Variants in SH3RF1 observed in about 807,000 individuals in gnomAD.
The protein encoded by SH3RF1 is SH3 domain containing ring finger 1, also known as E3 ubiquitin-protein ligase SH3RF1.
A neutral mutation model predicts 74.0 loss-of-function variants in SH3RF1; 32 were observed. That is an observed-to-expected ratio of 0.43 (90% CI 0.33 to 0.58). SH3RF1 has a LOEUF of 0.58. Ranked by LOEUF, SH3RF1 falls within the 20% of genes least tolerant of loss-of-function variation. SH3RF1 has a pLI of 0.05. For missense variants in SH3RF1, 954 were observed against 1,130.9 expected, an observed-to-expected ratio of 0.84 and a Z score of 2.24; for synonymous variants, 396 against 439.6, an observed-to-expected ratio of 0.90 and a Z score of 1.24.
chr4:169,165,568 A>G (rs1358602733), intron 2 of SH3RF1, among the ~76,000 whole-genome samples: 3 of 150,462 alleles, frequency 2.0e-5, no homozygotes, highest in Non-Finnish European at 4.4e-5. Context: ...ACGTGCCTGT[A>G]GTCCAATATT....
chr4:169,179,869 A>G (rs540907794), intron 2 of SH3RF1, among the ~76,000 whole-genome samples: 2 of 152,266 alleles, frequency 1.3e-5, no homozygotes, highest in Admixed American at 6.5e-5. Context: ...TTTTTTTCCT[A>G]AGACATATTC....
At position 169,095,793 on chromosome 4, in the gene SH3RF1, T is replaced by C. The variant is rs1350075425; in HGVS notation, c.*726A>G. ...TCTCATTGTTTCAGTCACTTCATTC[T>C]AGGAAAATTAAAAACCCACACAATT... On this transcript the variant is annotated 3_prime_UTR_variant, in exon 12 of 12. Coordinates refer to ENST00000284637, the MANE Select transcript of SH3RF1 (RefSeq NM_020870.4). The C allele has an allele frequency of 6.6e-6, 1 of 152,334 alleles. No individual in the cohort carries two copies. The highest frequency in any genetic ancestry group is 1.5e-5 in the Non-Finnish European group (1 of 68,034). 9.4% of individuals were successfully genotyped at this position (152,334 alleles called of 1,614,324 possible).
At chr4:169,248,984 T>C (rs1215076749) in intron 2 of SH3RF1, among the ~76,000 whole-genome samples, 3 of 152,166 alleles carry the variant, frequency 2.0e-5, no homozygotes, top group African/African-American at 2.4e-5. Flanking sequence ...TCCCAGCACT[T>C]TGGGAGGCCG....
intron 2 of SH3RF1, among the ~76,000 whole-genome samples, chr4:169,192,915 T>G (rs1263214434): frequency 3.6e-5 from 4 of 111,014 alleles, no homozygotes; most frequent in Non-Finnish European, 6.2e-5. Flanking sequence ...ATATCATATA[T>G]ATGTGATATA....
rs1335122200 is a variant in SH3RF1 at position 169,105,548 on chromosome 4, A to G, written c.2498+1299T>C. Among the ~76,000 whole-genome samples, 3 of 152,210 alleles carry G rather than the reference A, an allele frequency of 2.0e-5. No homozygotes were observed. In the East Asian group the frequency reaches 5.8e-4, roughly 29 times the overall value. On this transcript the variant is annotated intron_variant, in intron 11 of 11. Coordinates refer to ENST00000284637, the MANE Select transcript of SH3RF1 (RefSeq NM_020870.4). The stretch of plus-strand genomic sequence containing the variant: ...AATCAAGTCACTTGGTCAGGAGGAG[A>G]GTCAGAACTGAGACTGAGAACTTAG...
At chr4:169,112,976 TAAC>T (rs1355602705) in intron 10 of SH3RF1, among the ~76,000 whole-genome samples, 1 of 152,164 alleles carries the variant, frequency 6.6e-6, no homozygotes, top group Non-Finnish European at 1.5e-5. Context: ...TGATTACTCT[TAAC>T]AGGCTGAATT....
At position 169,122,159 on chromosome 4, in the gene SH3RF1, C is replaced by G. The variant is rs1336714156; in HGVS notation, c.1287G>C (p.Arg429Ser). The change falls in exon 7 of 12, where the codon AGG (arginine) becomes AGC (serine). Residue 429 changes from arginine (R) to serine (S), a missense_variant. Arg to Ser is a moderately radical substitution (Grantham distance 110). Around this residue, in one of 3 missense-constraint regions of SH3RF1, gnomAD observed 854 missense variants for 962.5 expected, o/e 0.89. Coordinates refer to ENST00000284637, the MANE Select transcript of SH3RF1 (RefSeq NM_020870.4). Reference protein sequence around the residue: ...AAAAAAGMGPRPMAGSTDQIA... With the variant: ...AAAAAAGMGPSPMAGSTDQIA... ...TCTGGTCAGTGGATCCTGCCATGGGCCTCGGTCCCATTCCAGCAGCAGCAG... is the reference window on the plus strand; with the variant it reads ...TCTGGTCAGTGGATCCTGCCATGGGGCTCGGTCCCATTCCAGCAGCAGCAG... The G allele has an allele frequency of 6.2e-7, 1 of 1,613,332 alleles. No homozygotes were observed. Among genetic ancestry groups the G allele is most frequent in the Non-Finnish European group, 8.5e-7 (1 of 1,180,026 alleles).
chr4:169,141,220 T>G (rs1326198800), intron 4 of SH3RF1, among the ~76,000 whole-genome samples: 1 of 152,212 alleles, frequency 6.6e-6, no homozygotes, highest in Non-Finnish European at 1.5e-5. Context: ...ATCCTTCATT[T>G]TCTATGTAGA....
chr4:169,221,328 T>G (rs1730560943), intron 2 of SH3RF1, among the ~76,000 whole-genome samples: 1 of 152,106 alleles, frequency 6.6e-6, no homozygotes, highest in African/African-American at 2.4e-5. Flanking sequence ...AAAATAGGTC[T>G]CTCCAACAAA....
chr4:169,168,788 T>C (rs892446216), intron 2 of SH3RF1, among the ~76,000 whole-genome samples: 7 of 152,244 alleles, frequency 4.6e-5, no homozygotes, highest in African/African-American at 1.7e-4. Context: ...TATGATTTCT[T>C]TGGCAATCAA....
At chr4:169,250,983 C>T (rs994421184) in intron 2 of SH3RF1, among the ~76,000 whole-genome samples, 8 of 152,156 alleles carry the variant, frequency 5.3e-5, no homozygotes, top group African/African-American at 1.9e-4. Context: ...GTTTGATAAA[C>T]AGCAAGAAAG....
chr4:169,268,995 A>G lies in SH3RF1; in HGVS notation c.218T>C (p.Leu73Pro). The change falls in exon 2 of 12, where the codon CTG (leucine) becomes CCG (proline). Residue 73 changes from leucine to proline, a missense_variant. Transcript: ENST00000284637. The part of the protein sequence containing the change: ...LPSNILLVRL[L>P]DGIKQRPWKP... ...CCAAGGCCTCTGTTTGATGCCATCC[A>G]GAAGTCTGACCAGCAAGATGTTACT... 6.2e-7 allele frequency: 1 copy of G among 1,614,200 alleles called. No individual in the cohort carries two copies. The highest frequency in any genetic ancestry group is 8.5e-7 in the Non-Finnish European group (1 of 1,180,036).
intron 2 of SH3RF1, among the ~76,000 whole-genome samples, chr4:169,250,486 T>C (rs962494040): frequency 6.6e-6 from 1 of 152,230 alleles, no homozygotes; most frequent in African/African-American, 2.4e-5. Context: ...CATTCTCCTA[T>C]TTGCAATATT....
chr4:169,163,176 C>T (rs535874879), intron 2 of SH3RF1, among the ~76,000 whole-genome samples: 1 of 151,492 alleles, frequency 6.6e-6, no homozygotes, highest in Non-Finnish European at 1.5e-5. Flanking sequence ...GGGCTGTACT[C>T]TCATCATTAA....
chr4:169,155,271 G>A (rs1437440637), intron 4 of SH3RF1, among the ~76,000 whole-genome samples: 1 of 152,150 alleles, frequency 6.6e-6, no homozygotes, highest in Non-Finnish European at 1.5e-5. Flanking sequence ...TTTTAGCAGG[G>A]AGAAAAAGTA....
chr4:169,136,760 T>C, intron 4 of SH3RF1, 140 bp from the exon 5 acceptor site: 1 of 697,694 alleles, frequency 1.4e-6, no homozygotes, highest in Non-Finnish European at 2.1e-6. Context: ...GTTTTTCCCA[T>C]GTGAGATATC....
intron 11 of SH3RF1, 110 bp from the exon 12 acceptor site, chr4:169,096,797 C>A: frequency 1.9e-6 from 2 of 1,037,884 alleles, no homozygotes; most frequent in Non-Finnish European, 2.8e-6. Flanking sequence ...AACATTAATT[C>A]ATTTATGATT....
intron 2 of SH3RF1, among the ~76,000 whole-genome samples, chr4:169,193,705 T>C (rs2660426): frequency 0.47 from 71,445 of 151,946 alleles, 18,086 homozygotes; most frequent in East Asian, 0.78. Flanking sequence ...TCTCACCACA[T>C]AGCTCTGCCA....
At chr4:169,116,977 TC>T (rs1317987822) in intron 9 of SH3RF1, among the ~76,000 whole-genome samples, 2 of 152,208 alleles carry the variant, frequency 1.3e-5, no homozygotes, top group African/African-American at 4.8e-5. Context: ...CTAGTCCTTT[TC>T]CTATTATTCA....
Sources: gnomAD v4.1 joint callset for allele counts (sites outside exome capture counted in the v4.1 genomes callset) on GRCh38, gnomAD v4.1.1 for gene constraint, gnomAD v4.1.1 regional missense constraint, MANE v1.5 for transcripts, NCBI Gene and HGNC (gene_info 2026-07-23, HGNC 2026-07-21) for gene names.